GALNTL6: variants seen among roughly 807,000 people sequenced by gnomAD.
The protein encoded by GALNTL6 is polypeptide N-acetylgalactosaminyltransferase like 6.
GALNTL6 carries 46 observed loss-of-function variants against 73.7 expected under a neutral mutation model. That is an observed-to-expected ratio of 0.62 (90% CI 0.49 to 0.80). GALNTL6 has a LOEUF of 0.80. GALNTL6 is among the 30% of genes least tolerant of loss of function. GALNTL6 has a pLI of 0.00. For synonymous variants in GALNTL6, 259 were observed against 263.7 expected (o/e 0.98, Z 0.17); for missense variants, 604 against 755.0 (o/e 0.80, Z 2.34).
chr4:172,688,492 T>C (rs1184300847), intron 5 of GALNTL6, among the ~76,000 whole-genome samples: 1 of 152,202 alleles, frequency 6.6e-6, no homozygotes, highest in Non-Finnish European at 1.5e-5. Context: ...GACCTCCACT[T>C]AAAGAGCTAA....
intron 5 of GALNTL6, among the ~76,000 whole-genome samples, chr4:172,578,119 T>A (rs1737030396): frequency 6.6e-6 from 1 of 152,148 alleles, no homozygotes; most frequent in Admixed American, 6.6e-5. Context: ...ATGTAAAAAA[T>A]TTCCTGCCCT....
chr4:172,888,855 G>A (rs1255338628), intron 8 of GALNTL6, among the ~76,000 whole-genome samples: 3 of 152,118 alleles, frequency 2.0e-5, no homozygotes, highest in Non-Finnish European at 4.4e-5. Context: ...TGGATAGTAT[G>A]ACTATTATAA....
At chr4:172,865,264 A>T (rs1459324409) in intron 7 of GALNTL6, among the ~76,000 whole-genome samples, 1 of 152,242 alleles carries the variant, frequency 6.6e-6, no homozygotes, top group Non-Finnish European at 1.5e-5. Flanking sequence ...TTCCGTAAAA[A>T]TGCCAACACT....
chr4:172,092,164 A>C (rs959107166), intron 2 of GALNTL6, among the ~76,000 whole-genome samples: 4 of 152,136 alleles, frequency 2.6e-5, no homozygotes, highest in Admixed American at 2.0e-4. Flanking sequence ...ACAATAACGC[A>C]ATTACTTATG....
At chr4:172,022,008 C>G (rs1270241910) in intron 2 of GALNTL6, among the ~76,000 whole-genome samples, 4 of 151,850 alleles carry the variant, frequency 2.6e-5, no homozygotes, top group Non-Finnish European at 5.9e-5. Flanking sequence ...GAAGAAACTC[C>G]CAGGACATTG....
intron 2 of GALNTL6, among the ~76,000 whole-genome samples, chr4:172,186,897 C>T (rs1451915722): frequency 1.3e-5 from 2 of 151,958 alleles, no homozygotes; most frequent in Non-Finnish European, 2.9e-5. Context: ...CCACTGAGTT[C>T]CTTACTTTAA....
In GALNTL6 at chr4:172,896,809, G is replaced by A. The variant is rs577210171; in HGVS notation, c.1041+13902G>A. On this transcript the variant is annotated intron_variant, in intron 8 of 12. Transcript: ENST00000506823. ...CAGCTCAGAGGGTGCAGGTAACACA[G>A]CAAGTTCCTGCACAGATAGGACAGT... Among the ~76,000 whole-genome samples the A allele has an allele frequency of 4.3e-4, 65 of 152,300 alleles. 1 individual carries two copies. The highest frequency in any genetic ancestry group is 4.2e-3 in the Admixed American group (64 of 15,294).
chr4:172,389,190 T>C (rs1743578012), intron 5 of GALNTL6, among the ~76,000 whole-genome samples: 1 of 152,036 alleles, frequency 6.6e-6, no homozygotes, highest in African/African-American at 2.4e-5. Context: ...TATTTAAATG[T>C]TTTTCTGACA....
intron 2 of GALNTL6, among the ~76,000 whole-genome samples, chr4:171,962,565 G>A (rs1019174488): frequency 2.0e-5 from 3 of 152,002 alleles, no homozygotes; most frequent in Admixed American, 2.0e-4. Context: ...TACCCTATAT[G>A]TTTGGTCTAA....
At chr4:172,831,816 G>C (rs545089807) in intron 7 of GALNTL6, among the ~76,000 whole-genome samples, 3 of 152,344 alleles carry the variant, frequency 2.0e-5, no homozygotes, top group Admixed American at 2.0e-4. Flanking sequence ...AGGGAATAAA[G>C]AGACCAGAGT....
intron 2 of GALNTL6, among the ~76,000 whole-genome samples, chr4:171,867,091 A>G (rs1269405496): frequency 6.6e-6 from 1 of 152,132 alleles, no homozygotes; most frequent in Non-Finnish European, 1.5e-5. Context: ...TTAGGAGAAA[A>G]TATATAGACC....
At chr4:172,842,360 T>G (rs1054780968) in intron 7 of GALNTL6, among the ~76,000 whole-genome samples, 1 of 152,168 alleles carries the variant, frequency 6.6e-6, no homozygotes, top group Non-Finnish European at 1.5e-5. Flanking sequence ...ATCTGGAACT[T>G]TCTTTTATAA....
intron 5 of GALNTL6, among the ~76,000 whole-genome samples, chr4:172,589,684 A>T (rs1373199574): frequency 6.6e-6 from 1 of 152,232 alleles, no homozygotes; most frequent in African/African-American, 2.4e-5. Context: ...TTTGATTCTT[A>T]TTGTGTGCAA....
intron 5 of GALNTL6, among the ~76,000 whole-genome samples, chr4:172,428,029 C>G (rs912588355): frequency 3.9e-5 from 6 of 152,018 alleles, no homozygotes; most frequent in African/African-American, 1.4e-4. Context: ...TATTCTTTGG[C>G]AAAGACTTAT....
At chr4:172,420,720 C>T (rs1731022735) in intron 5 of GALNTL6, among the ~76,000 whole-genome samples, 1 of 151,922 alleles carries the variant, frequency 6.6e-6, no homozygotes, top group East Asian at 1.9e-4. Flanking sequence ...AATGTTGTAA[C>T]ATATTGCAGC....
chr4:172,101,626 A>AT (rs2110961286), intron 2 of GALNTL6, among the ~76,000 whole-genome samples: 1 of 152,238 alleles, frequency 6.6e-6, no homozygotes, highest in South Asian at 2.1e-4. Flanking sequence ...TTTTTTTGTA[A>AT]TTATTTTGGT....
intron 5 of GALNTL6, among the ~76,000 whole-genome samples, chr4:172,592,296 C>T (rs1269459409): frequency 6.6e-6 from 1 of 152,156 alleles, no homozygotes; most frequent in Non-Finnish European, 1.5e-5. Context: ...CCCACAAGAA[C>T]TAATCCAGTC....
intron 2 of GALNTL6, among the ~76,000 whole-genome samples, chr4:171,936,677 T>G (rs534850307): frequency 2.6e-5 from 4 of 152,198 alleles, no homozygotes; most frequent in Non-Finnish European, 5.9e-5. Context: ...TATGTAAAAA[T>G]GACACAAGAT....
At chr4:172,260,588 G>C (rs7688128) in intron 3 of GALNTL6, among the ~76,000 whole-genome samples, 19,032 of 151,020 alleles carry the variant, frequency 0.13, 1,297 homozygotes, top group East Asian at 0.29. Flanking sequence ...GATGTGGATG[G>C]CTTTGTTTCT....
Sources: gnomAD v4.1 joint callset for allele counts (sites outside exome capture counted in the v4.1 genomes callset) on GRCh38, gnomAD v4.1.1 for gene constraint, MANE v1.5 for transcripts, NCBI Gene and HGNC (gene_info 2026-07-23, HGNC 2026-07-21) for gene names.